Variants in AKAP6 observed in about 807,000 individuals in gnomAD.
The protein encoded by AKAP6 is A-kinase anchoring protein 6, also known as A-kinase anchor protein 6.
In AKAP6, 58 loss-of-function variants were observed where a neutral mutation model predicts 188.5. The ratio of observed to expected loss-of-function variants is 0.31; its 90% confidence interval spans 0.25 to 0.38. The LOEUF (loss-of-function observed/expected upper bound fraction) is 0.38. Among genes scored for constraint, AKAP6 ranks in the 10% least tolerant of loss-of-function variants. The probability of loss-of-function intolerance (pLI) is 1.00; values close to 1 mark genes in which losing one functional copy is unlikely to be tolerated. For synonymous variants in AKAP6, 989 were observed against 998.6 expected (o/e 0.99, Z 0.18); for missense variants, 2,710 against 2,740.0 (o/e 0.99, Z 0.24).
At chr14:32,462,915 A>AAAAAAC (rs1891387726) in intron 2 of AKAP6, among the ~76,000 whole-genome samples, 1 of 135,438 alleles carries the variant, frequency 7.4e-6, no homozygotes, top group Non-Finnish European at 1.5e-5. Context: ...AAAAAAAAAA[A>AAAAAAC]AAAAAAAAAA....
chr14:32,467,176 C>A (rs1271757521), intron 2 of AKAP6, among the ~76,000 whole-genome samples: 1 of 146,260 alleles, frequency 6.8e-6, no homozygotes, highest in African/African-American at 2.6e-5. Flanking sequence ...AACAAAACTG[C>A]ACATGAACCC....
At chr14:32,429,073 C>T (rs774037000) in intron 1 of AKAP6, among the ~76,000 whole-genome samples, 1 of 152,128 alleles carries the variant, frequency 6.6e-6, no homozygotes, top group Admixed American at 6.5e-5. Context: ...GATGAGAGGT[C>T]ACTGGGTTCC....
At chr14:32,589,471 G>A (rs1409984613) in intron 5 of AKAP6, among the ~76,000 whole-genome samples, 4 of 152,176 alleles carry the variant, frequency 2.6e-5, no homozygotes, top group Non-Finnish European at 4.4e-5. Context: ...GAATGGTAGC[G>A]TAGGAGGCTC....
intron 9 of AKAP6, chr14:32,726,094 C>T: frequency 5.2e-6 from 4 of 765,420 alleles, no homozygotes; most frequent in Non-Finnish European, 6.4e-6. Flanking sequence ...TTCCAACGAC[C>T]AGATTAAGGT....
intron 2 of AKAP6, among the ~76,000 whole-genome samples, chr14:32,504,817 C>T (rs932571170): frequency 2.0e-5 from 3 of 152,196 alleles, no homozygotes; most frequent in Non-Finnish European, 4.4e-5. Flanking sequence ...TACAGTCGTG[C>T]TCATGTTACA....
At chr14:32,661,339 G>A (rs745316627) in intron 7 of AKAP6, among the ~76,000 whole-genome samples, 23 of 152,046 alleles carry the variant, frequency 1.5e-4, no homozygotes, top group Non-Finnish European at 2.6e-4. Flanking sequence ...TCACAATGAG[G>A]CTTCATTGCT....
intron 7 of AKAP6, among the ~76,000 whole-genome samples, chr14:32,610,805 C>T (rs1403133459): frequency 1.3e-5 from 2 of 152,102 alleles, no homozygotes; most frequent in East Asian, 1.9e-4. Flanking sequence ...GCTTCTTGAG[C>T]ATACAGTATC....
At chr14:32,653,737 C>G (rs1043325228) in intron 7 of AKAP6, among the ~76,000 whole-genome samples, 1 of 152,072 alleles carries the variant, frequency 6.6e-6, no homozygotes, top group Admixed American at 6.6e-5. Flanking sequence ...ACAATGAAAT[C>G]GAGAAGTATT....
At chr14:32,373,921 T>C (rs1040597807) in intron 1 of AKAP6, among the ~76,000 whole-genome samples, 37 of 152,216 alleles carry the variant, frequency 2.4e-4, no homozygotes, top group African/African-American at 8.9e-4. Flanking sequence ...AGAAGACAGA[T>C]TTGAAATGTA....
At chr14:32,458,313 C>G (rs1478785668) in intron 2 of AKAP6, among the ~76,000 whole-genome samples, 1 of 152,060 alleles carries the variant, frequency 6.6e-6, no homozygotes, top group Non-Finnish European at 1.5e-5. Context: ...CTTGAAGAAG[C>G]TTTTAACTTC....
At position 32,823,516 on chromosome 14, in the gene AKAP6, T is replaced by C; in HGVS notation, c.5703T>C (p.Gly1901=). The change falls in exon 13 of 14, where the codon GGT becomes GGC. Residue 1901 remains glycine (G), a synonymous_variant. Coordinates refer to ENST00000280979, the MANE Select transcript of AKAP6 (RefSeq NM_004274.5). The stretch of plus-strand genomic sequence containing the variant: ...ACATGGAAAATGGCAATATTGAAGG[T>C]ATTCCAGAAAGGCAAAAGGGAAAAC... ...VADMENGNIE[G]IPERQKGKPN... The C allele has an allele frequency of 6.2e-7, 1 of 1,613,722 alleles. No individual in the cohort carries two copies. Among genetic ancestry groups the C allele is most frequent in the Non-Finnish European group, 8.5e-7 (1 of 1,179,878 alleles).
At chr14:32,515,379 A>G (rs1881468316) in intron 2 of AKAP6, among the ~76,000 whole-genome samples, 1 of 152,100 alleles carries the variant, frequency 6.6e-6, no homozygotes, top group Non-Finnish European at 1.5e-5. Context: ...TCAGAGAGAT[A>G]CCTTTCAATG....
chr14:32,568,084 C>T lies in AKAP6; in HGVS notation c.2347-9036C>T, dbSNP rs1884284785. Among the ~76,000 whole-genome samples the T allele has an allele frequency of 2.0e-5, 3 of 152,046 alleles. No homozygotes were observed. Among genetic ancestry groups the T allele is most frequent in the Admixed American group, 6.6e-5 (1 of 15,252 alleles). ...GGCTGAAAAGAGAGAGCACAGAGTA[C>T]AGGAAGAATGATCTAAAATAGGGCT... is the stretch of plus-strand genomic sequence containing the variant. On this transcript the variant is annotated intron_variant, in intron 4 of 13. Coordinates refer to ENST00000280979, the MANE Select transcript of AKAP6 (RefSeq NM_004274.5). The surrounding 1 kb of genome is among the most constrained non-coding windows in gnomAD (Gnocchi z 6.2).
At chr14:32,610,512 C>T (rs192177111) in intron 7 of AKAP6, among the ~76,000 whole-genome samples, 1 of 152,218 alleles carries the variant, frequency 6.6e-6, no homozygotes, top group Admixed American at 6.5e-5. Flanking sequence ...TTGCTCACTG[C>T]CTAGCAGTGG....
chr14:32,440,296 C>T (rs1474055584), intron 2 of AKAP6, among the ~76,000 whole-genome samples: 1 of 143,460 alleles, frequency 7.0e-6, no homozygotes, highest in Non-Finnish European at 1.5e-5. Flanking sequence ...CACTTGGACA[C>T]AGGGTGGGGA....
At chr14:32,666,879 C>T (rs1034662723) in intron 7 of AKAP6, among the ~76,000 whole-genome samples, 4 of 152,014 alleles carry the variant, frequency 2.6e-5, no homozygotes, top group African/African-American at 9.7e-5. Flanking sequence ...TGGTGGTATG[C>T]TCCTCTACTC....
chr14:32,405,986 T>C (rs1889279079), intron 1 of AKAP6, among the ~76,000 whole-genome samples: 2 of 152,216 alleles, frequency 1.3e-5, no homozygotes, highest in Non-Finnish European at 2.9e-5. Context: ...AAGTTTCAGT[T>C]CTTCCTTTTG....
chr14:32,514,912 A>G (rs1346430174), intron 2 of AKAP6, among the ~76,000 whole-genome samples: 1 of 152,132 alleles, frequency 6.6e-6, no homozygotes, highest in Non-Finnish European at 1.5e-5. Context: ...GGGGGTCTTA[A>G]CTTTCATTCT....
At chr14:32,673,960 G>T (rs1889326295) in intron 7 of AKAP6, among the ~76,000 whole-genome samples, 1 of 152,078 alleles carries the variant, frequency 6.6e-6, no homozygotes, top group African/African-American at 2.4e-5. Flanking sequence ...GTGTTATGAA[G>T]GAAATTAATC....
Sources: gnomAD v4.1 joint callset for allele counts (sites outside exome capture counted in the v4.1 genomes callset) on GRCh38, gnomAD v4.1.1 for gene constraint, Gnocchi (gnomAD v3.1) non-coding constraint, MANE v1.5 for transcripts, NCBI Gene and HGNC (gene_info 2026-07-23, HGNC 2026-07-21) for gene names.